The following EXPH5 variants were observed in gnomAD, a reference collection of about 807,000 sequenced individuals.
EXPH5 encodes the protein exophilin-5.
Under a neutral mutation model 41.1 loss-of-function variants are expected in EXPH5, and 42 were observed. That is an observed-to-expected ratio of 1.02 (90% CI 0.80 to 1.32). The LOEUF is 1.32. EXPH5 is among the 40% of genes most tolerant of loss of function. The pLI, the probability that EXPH5 is intolerant of heterozygous loss-of-function variation, is 0.00. For synonymous variants in EXPH5, 798 were observed against 833.5 expected, an observed-to-expected ratio of 0.96 and a Z score of 0.73; for missense variants, 2,298 against 2,314.5, an observed-to-expected ratio of 0.99 and a Z score of 0.15.
chr11:108,505,821 A>G lies in EXPH5; in HGVS notation c.*3716T>C, dbSNP rs1185321644. 4.6e-5 allele frequency: 7 copies of G among 152,208 alleles called. No individual in the cohort carries two copies. The highest frequency in any genetic ancestry group is 2.9e-5 in the Non-Finnish European group (2 of 68,038). The allele number at this position is 152,208 out of a possible 1,614,324, so 9.4% of individuals were successfully genotyped here. ...TTACAGTTTGATTCCCATCTTTGCC[A>G]TAACCTAAATGGATTTTTACCCCCT... On this transcript the variant is annotated 3_prime_UTR_variant, in exon 6 of 6. Coordinates refer to ENST00000265843, the MANE Select transcript of EXPH5 (RefSeq NM_015065.3).
intron 1 of EXPH5, among the ~76,000 whole-genome samples, chr11:108,555,274 T>C (rs1309938797): frequency 6.6e-6 from 1 of 152,246 alleles, no homozygotes; most frequent in Non-Finnish European, 1.5e-5. Flanking sequence ...ACACATACTA[T>C]TCCAAATCTG....
intron 3 of EXPH5, among the ~76,000 whole-genome samples, chr11:108,533,439 G>A (rs1296437351): frequency 5.3e-5 from 8 of 152,142 alleles, no homozygotes; most frequent in Non-Finnish European, 1.0e-4. Flanking sequence ...TTCTGACCTC[G>A]TGATCCACCT....
the EXPH5 span, among the ~76,000 whole-genome samples, chr11:108,601,625 C>T: frequency 3.9e-5 from 6 of 152,146 alleles, no homozygotes; most frequent in Non-Finnish European, 8.8e-5. Context: ...TCTATGAAAA[C>T]TTTGATCATT....
At chr11:108,595,618 T>C (rs1251429519), upstream of EXPH5, among the ~76,000 whole-genome samples, 2 of 152,004 alleles carry the variant, frequency 1.3e-5, no homozygotes, top group Admixed American at 1.3e-4. Context: ...GGTAAAATCT[T>C]CCTCTTTTTA....
At chr11:108,539,848 T>C (rs2093902778) in intron 2 of EXPH5, among the ~76,000 whole-genome samples, 1 of 152,206 alleles carries the variant, frequency 6.6e-6, no homozygotes, top group East Asian at 1.9e-4. Context: ...TTTGGGATGC[T>C]CAACTTTTCA....
intron 1 of EXPH5, among the ~76,000 whole-genome samples, chr11:108,572,294 C>T (rs950580444): frequency 3.9e-5 from 6 of 152,192 alleles, no homozygotes; most frequent in Non-Finnish European, 8.8e-5. Context: ...CCCTTTGATC[C>T]TGCCAAGCAG....
intron 4 of EXPH5, among the ~76,000 whole-genome samples, chr11:108,519,565 G>A (rs2093750545): frequency 6.6e-6 from 1 of 152,112 alleles, no homozygotes; most frequent in East Asian, 1.9e-4. Flanking sequence ...TGGCCAAAAT[G>A]GTGAAACCAC....
At chr11:108,550,862 C>G (rs1006693664) in intron 1 of EXPH5, among the ~76,000 whole-genome samples, 7 of 152,150 alleles carry the variant, frequency 4.6e-5, no homozygotes, top group East Asian at 1.9e-4. Flanking sequence ...AACATGGATA[C>G]AGATGAGGTT....
chr11:108,605,871 A>C, the EXPH5 span, among the ~76,000 whole-genome samples: 1 of 152,244 alleles, frequency 6.6e-6, no homozygotes, highest in Non-Finnish European at 1.5e-5. Flanking sequence ...GCAGGATTGC[A>C]GCAGCCTCTG....
Position 108,512,609 on chromosome 11 carries a change from A to C in EXPH5, c.2898T>G (p.Pro966=). ...TTCCTTTTCCTCTTTCATTCCTAAA[A>C]GGAGAGTGTGAATGGCATTTGACAT... ...VVDVKCHSHS[P]FRNERGKGKI... The change falls in exon 6 of 6, where the codon CCT becomes CCG. Residue 966 remains proline, a synonymous_variant. Coordinates refer to ENST00000265843, the MANE Select transcript of EXPH5 (RefSeq NM_015065.3). 6.2e-7 allele frequency: 1 copy of C among 1,613,218 alleles called. No homozygotes were observed.
At chr11:108,606,536 T>A in the EXPH5 span, among the ~76,000 whole-genome samples, 12 of 152,148 alleles carry the variant, frequency 7.9e-5, no homozygotes, top group East Asian at 1.9e-4. Flanking sequence ...CACCTTTTTT[T>A]AAAAAAATGG....
the EXPH5 span, among the ~76,000 whole-genome samples, chr11:108,603,719 C>G: frequency 2.6e-5 from 4 of 152,340 alleles, no homozygotes; most frequent in Non-Finnish European, 5.9e-5. Flanking sequence ...GCTGTAAACA[C>G]TGGCAAGATA....
chr11:108,567,687 A>C (rs1016190481), intron 1 of EXPH5, among the ~76,000 whole-genome samples: 1 of 152,226 alleles, frequency 6.6e-6, no homozygotes, highest in Non-Finnish European at 1.5e-5. Context: ...AAATGAAAAC[A>C]TCCCAAATCT....
At chr11:108,568,790 C>G (rs1203561870) in intron 1 of EXPH5, among the ~76,000 whole-genome samples, 2 of 152,144 alleles carry the variant, frequency 1.3e-5, no homozygotes, top group Non-Finnish European at 2.9e-5. Context: ...AGTCAGCCAC[C>G]AAGCCCTGCT....
chr11:108,593,833 C>T, upstream of EXPH5: 3 of 1,223,912 alleles, frequency 2.5e-6, no homozygotes, highest in South Asian at 2.6e-5. Flanking sequence ...TTGTCCCCTC[C>T]CTCGTCCCCT....
Position 108,518,342 on chromosome 11 carries a change from T to C in EXPH5, c.524A>G (p.Asn175Ser). 6.2e-7 allele frequency: 1 copy of C among 1,614,002 alleles called. No homozygotes were observed. Among genetic ancestry groups the C allele is most frequent in the Non-Finnish European group, 8.5e-7 (1 of 1,179,954 alleles). The change falls in exon 5 of 6, where the codon AAT (asparagine) becomes AGT (serine). Residue 175 changes from asparagine to serine, a missense_variant. Asn to Ser is a conservative substitution (Grantham distance 46). Transcript: ENST00000265843. ...QAKIYNSPLE[N>S]HLVDSTFVPK... Reference sequence around the variant, plus strand: ...GACAAATGTACTGTCAACTAGATGATTTTCCAGAGGTGAATTGTATATTTT... The same window carrying C: ...GACAAATGTACTGTCAACTAGATGACTTTCCAGAGGTGAATTGTATATTTT...
chr11:108,595,155 C>T (rs1039205152), upstream of EXPH5, among the ~76,000 whole-genome samples: 15 of 152,180 alleles, frequency 9.9e-5, no homozygotes, highest in Non-Finnish European at 1.5e-4. Context: ...TTTCAACCAA[C>T]GTATCCTGGT....
At chr11:108,573,461 A>G (rs1009975152) in intron 1 of EXPH5, among the ~76,000 whole-genome samples, 1 of 152,256 alleles carries the variant, frequency 6.6e-6, no homozygotes, top group East Asian at 1.9e-4. Flanking sequence ...TTGTATAGGT[A>G]TAACAACAAT....
At chr11:108,544,835 C>T (rs1469457189) in intron 1 of EXPH5, among the ~76,000 whole-genome samples, 1 of 152,050 alleles carries the variant, frequency 6.6e-6, no homozygotes, top group East Asian at 1.9e-4. Flanking sequence ...GGCACACACA[C>T]ACAAAAAATG....
Sources: allele counts gnomAD v4.1 joint callset (sites outside exome capture counted in the v4.1 genomes callset), GRCh38; gene constraint gnomAD v4.1.1; transcripts MANE v1.5; gene names NCBI Gene and HGNC (gene_info 2026-07-23, HGNC 2026-07-21).